The following ZMYND11 variants were observed in gnomAD, a reference collection of about 807,000 sequenced individuals.
ZMYND11 encodes zinc finger MYND-type containing 11.
A neutral mutation model predicts 84.9 loss-of-function variants in ZMYND11; 9 were observed. The observed-to-expected ratio is 0.11, with a 90% CI of 0.06 to 0.18. ZMYND11 has a LOEUF of 0.18. Among genes scored for constraint, ZMYND11 ranks in the 10% least tolerant of loss-of-function variants. The probability of loss-of-function intolerance (pLI) is 1.00; values close to 1 mark genes in which losing one functional copy is unlikely to be tolerated. For synonymous variants in ZMYND11, 250 were observed against 244.1 expected, an observed-to-expected ratio of 1.02 and a Z score of -0.23; for missense variants, 409 against 761.0, an observed-to-expected ratio of 0.54 and a Z score of 5.44.
chr10:170,358 A>G (rs1554765296), intron 1 of ZMYND11, among the ~76,000 whole-genome samples: 1 of 152,064 alleles, frequency 6.6e-6, no homozygotes, highest in East Asian at 1.9e-4. Context: ...AATGTAAAAT[A>G]AAAATTTTTT....
intron 2 of ZMYND11, among the ~76,000 whole-genome samples, chr10:191,773 AT>A (rs1406579482): frequency 2.0e-5 from 3 of 152,072 alleles, no homozygotes; most frequent in Non-Finnish European, 2.9e-5. Flanking sequence ...ACTCATTTTG[AT>A]TTTTTTTCCC....
At chr10:227,540 ATAGT>A (rs1213105429) in intron 4 of ZMYND11, among the ~76,000 whole-genome samples, 1 of 152,098 alleles carries the variant, frequency 6.6e-6, no homozygotes, top group Non-Finnish European at 1.5e-5. Context: ...TGTTGTTGAG[ATAGT>A]TAAAGAAAAA....
At chr10:222,169 C>T (rs1947245622) in intron 4 of ZMYND11, among the ~76,000 whole-genome samples, 1 of 152,172 alleles carries the variant, frequency 6.6e-6, no homozygotes, top group African/African-American at 2.4e-5. Flanking sequence ...TGTTAATATG[C>T]TTTATAATAA....
At chr10:234,127 C>G (rs1354491276) in intron 4 of ZMYND11, among the ~76,000 whole-genome samples, 2 of 152,212 alleles carry the variant, frequency 1.3e-5, no homozygotes, top group Non-Finnish European at 2.9e-5. Flanking sequence ...AATTCTGATT[C>G]TAGCAGTGCA....
intron 14 of ZMYND11, among the ~76,000 whole-genome samples, chr10:251,563 G>C (rs1365612567): frequency 6.6e-6 from 1 of 152,196 alleles, no homozygotes; most frequent in Non-Finnish European, 1.5e-5. Context: ...CTGTTGTCAA[G>C]TGTTTGTTTA....
intron 2 of ZMYND11, among the ~76,000 whole-genome samples, chr10:200,142 G>C (rs1199578870): frequency 1.3e-5 from 2 of 150,782 alleles, no homozygotes; most frequent in African/African-American, 2.4e-5. Flanking sequence ...GTTTTGGCAG[G>C]GAGGGAAGGG....
intron 2 of ZMYND11, among the ~76,000 whole-genome samples, chr10:188,925 A>G (rs968171491): frequency 1.3e-5 from 2 of 152,174 alleles, no homozygotes; most frequent in Non-Finnish European, 2.9e-5. Flanking sequence ...AGAAAAAGCA[A>G]TTGAAGTATT....
intron 3 of ZMYND11, among the ~76,000 whole-genome samples, chr10:218,133 A>T (rs941230371): frequency 6.6e-6 from 1 of 152,172 alleles, no homozygotes; most frequent in Admixed American, 6.5e-5. Context: ...TTATTAGCAA[A>T]ATATTTTTCT....
At chr10:168,761 A>G (rs1035675332) in intron 1 of ZMYND11, among the ~76,000 whole-genome samples, 3 of 152,174 alleles carry the variant, frequency 2.0e-5, no homozygotes, top group African/African-American at 4.8e-5. Context: ...GGAGAGACAG[A>G]TAGGTAGATA....
chr10:160,949 CTTT>C (rs57227207), intron 1 of ZMYND11, among the ~76,000 whole-genome samples: 40 of 102,218 alleles, frequency 3.9e-4, no homozygotes, highest in African/African-American at 1.4e-3. Context: ...AAATTACTTA[CTTT>C]TTTTTTTTTT....
chr10:178,259 T>C (rs1319666151), intron 1 of ZMYND11, among the ~76,000 whole-genome samples: 1 of 152,234 alleles, frequency 6.6e-6, no homozygotes, highest in African/African-American at 2.4e-5. Flanking sequence ...AGGGTCGCCG[T>C]TTATACAGTT....
intron 1 of ZMYND11, among the ~76,000 whole-genome samples, chr10:140,960 G>A (rs1387047493): frequency 2.0e-5 from 3 of 152,190 alleles, no homozygotes; most frequent in South Asian, 2.1e-4. Context: ...GAATACTACT[G>A]TATCAGAGTT....
chr10:222,775 C>G (rs747447873), intron 4 of ZMYND11, among the ~76,000 whole-genome samples: 30 of 151,530 alleles, frequency 2.0e-4, no homozygotes, highest in Non-Finnish European at 3.4e-4. Context: ...TTAGGAAATA[C>G]AGCTCTGGGT....
rs2132044480 is a variant in ZMYND11, at chr10:252,295, C to T, written c.1687-53C>T. 1.9e-6 allele frequency: 3 copies of T among 1,601,736 alleles called. No individual in the cohort carries two copies. The highest frequency in any genetic ancestry group is 8.5e-7 in the Non-Finnish European group (1 of 1,173,654). ...TCAAGAGTTTGCCATTTTAACCAGTCGCTTACACATCCACACCCAAGTCTA... is the reference window on the plus strand; with the variant it reads ...TCAAGAGTTTGCCATTTTAACCAGTTGCTTACACATCCACACCCAAGTCTA... On this transcript the variant is annotated intron_variant, in intron 14 of 14. Transcript: ENST00000381604. This position sits in a 1 kb window ranked among gnomAD's most constrained non-coding sequence, Gnocchi z 4.6.
intron 1 of ZMYND11, among the ~76,000 whole-genome samples, chr10:154,562 G>A (rs1554758134): frequency 2.0e-5 from 3 of 152,164 alleles, no homozygotes; most frequent in Non-Finnish European, 4.4e-5. Context: ...CTCCATGCAT[G>A]TCTGAGGTCA....
chr10:250,217 T>TC (rs1365673164), intron 14 of ZMYND11, among the ~76,000 whole-genome samples: 2 of 152,194 alleles, frequency 1.3e-5, no homozygotes, highest in Non-Finnish European at 2.9e-5. Flanking sequence ...CAGGTGCTTC[T>TC]CCCCCCAGCT....
chr10:221,140 G>GTCATTGCAGAT, intron 3 of ZMYND11, 55 bp from the exon 4 acceptor site: 1 of 1,510,794 alleles, frequency 6.6e-7, no homozygotes, highest in Non-Finnish European at 9.1e-7. Context: ...TTTGTTCTTA[G>GTCATTGCAGAT]TCATTGCAGA....
At position 221,277 on chromosome 10, in the gene ZMYND11, G is replaced by A; in HGVS notation, c.359G>A (p.Arg120His). The change falls in exon 4 of 15, where the codon CGT becomes CAT. Residue 120 changes from arginine (R) to histidine (H), a missense_variant. Arg to His is a conservative substitution (Grantham distance 29, BLOSUM62 0). Around this residue, in one of 7 missense-constraint regions of ZMYND11, gnomAD observed 73 missense variants for 185.8 expected, o/e 0.39. Coordinates refer to ENST00000381604, the MANE Select transcript of ZMYND11 (RefSeq NM_001370100.5). ...GEVLICDLCFRVYHSKCLSDE... is the reference protein window; with the variant it reads ...GEVLICDLCFHVYHSKCLSDE... ...GTGTTGATATGTGACCTGTGTTTTC[G>A]TGTGTATCATTCCAAGTGTTTGTCT... The A allele has an allele frequency of 6.2e-7, 1 of 1,613,918 alleles. No individual in the cohort carries two copies. Among genetic ancestry groups the A allele is most frequent in the Non-Finnish European group, 8.5e-7 (1 of 1,179,872 alleles).
At chr10:210,894 G>T (rs889648265) in intron 3 of ZMYND11, among the ~76,000 whole-genome samples, 2 of 152,150 alleles carry the variant, frequency 1.3e-5, no homozygotes, top group Non-Finnish European at 2.9e-5. Flanking sequence ...CAGGTGTGGT[G>T]GCTCATGCCT....
Sources: gnomAD v4.1 joint callset for allele counts (sites outside exome capture counted in the v4.1 genomes callset) on GRCh38, gnomAD v4.1.1 for gene constraint, gnomAD v4.1.1 regional missense constraint, Gnocchi (gnomAD v3.1) non-coding constraint, MANE v1.5 for transcripts, NCBI Gene and HGNC (gene_info 2026-07-23, HGNC 2026-07-21) for gene names.